Variants in ZNF516 observed in about 807,000 individuals in gnomAD.
ZNF516 encodes the protein zinc finger protein 516.
Under a neutral mutation model 79.7 loss-of-function variants are expected in ZNF516, and 19 were observed. The ratio of observed to expected loss-of-function variants is 0.24; its 90% CI spans 0.17 to 0.35. The LOEUF is 0.35. ZNF516 is among the 10% of genes least tolerant of loss of function. ZNF516 has a pLI of 1.00. For missense variants in ZNF516, 1,678 were observed against 1,679.5 expected, an observed-to-expected ratio of 1.00 and a Z score of 0.02; for synonymous variants, 877 against 739.5, an observed-to-expected ratio of 1.19 and a Z score of -3.02.
intron 1 of ZNF516, among the ~76,000 whole-genome samples, chr18:76,471,023 T>TA (rs1379001583): frequency 6.6e-6 from 1 of 152,364 alleles, no homozygotes; most frequent in East Asian, 1.9e-4. Context: ...AAGATATTTT[T>TA]GTAAGTGGAT....
intron 3 of ZNF516, among the ~76,000 whole-genome samples, chr18:76,416,088 C>G (rs926828847): frequency 1.3e-5 from 2 of 152,228 alleles, no homozygotes; most frequent in African/African-American, 4.8e-5. Flanking sequence ...AAAAGGTCAA[C>G]TTGTAGCACA....
chr18:76,362,250 C>T lies in ZNF516; in HGVS notation c.*248G>A, dbSNP rs763552553. On this transcript the variant is annotated 3_prime_UTR_variant, in exon 7 of 7. Transcript: ENST00000443185. The stretch of plus-strand genomic sequence containing the variant: ...ACTATGGACGATGAGCACGTAAATG[C>T]GTATATAGTATCTACATGTATTTCT... The T allele has an allele frequency of 3.8e-5, 18 of 473,108 alleles. No homozygotes were observed. Among genetic ancestry groups the T allele is most frequent in the Non-Finnish European group, 4.2e-5 (11 of 260,692 alleles). 29.3% of individuals were successfully genotyped at this position (473,108 alleles called of 1,614,324 possible).
intron 3 of ZNF516, among the ~76,000 whole-genome samples, chr18:76,384,538 C>T (rs752165346): frequency 4.2e-5 from 6 of 143,028 alleles, no homozygotes; most frequent in Admixed American, 1.4e-4. Flanking sequence ...ACGAACCCCA[C>T]GCCCCCTCTG....
chr18:76,444,503 G>C (rs557584656), intron 2 of ZNF516, among the ~76,000 whole-genome samples: 1 of 152,302 alleles, frequency 6.6e-6, no homozygotes, highest in East Asian at 1.9e-4. Flanking sequence ...ACCCAAAGCA[G>C]CTCCATATTT....
At chr18:76,392,103 G>A (rs373202125) in intron 3 of ZNF516, among the ~76,000 whole-genome samples, 5 of 152,218 alleles carry the variant, frequency 3.3e-5, no homozygotes, top group East Asian at 1.9e-4. Flanking sequence ...GGAAGCCAGC[G>A]CAGACTCGGC....
chr18:76,411,264 A>G (rs1401888481), intron 3 of ZNF516, among the ~76,000 whole-genome samples: 6 of 152,182 alleles, frequency 3.9e-5, no homozygotes, highest in Admixed American at 1.3e-4. Context: ...GGTGTCGTGT[A>G]CCTTTCGCAA....
At chr18:76,386,168 T>C (rs1046204570) in intron 3 of ZNF516, 1 of 152,204 alleles carries the variant, frequency 6.6e-6, no homozygotes, top group African/African-American at 2.4e-5. Flanking sequence ...CCTCTCTGGG[T>C]TTCTAAGGGA....
intron 1 of ZNF516, chr18:76,491,701 C>T: frequency 6.4e-6 from 1 of 157,134 alleles, no homozygotes; most frequent in Non-Finnish European, 1.4e-5. Context: ...TGAGTCCCCC[C>T]CCGACCCGCC....
chr18:76,370,383 A>G (rs1378695033), intron 6 of ZNF516, 145 bp downstream of exon 6: 16 of 792,294 alleles, frequency 2.0e-5, no homozygotes, highest in Non-Finnish European at 3.0e-5. Context: ...CCGAAGGGTC[A>G]GGTTCCAAGT....
chr18:76,434,496 G>A (rs578141184), intron 3 of ZNF516, among the ~76,000 whole-genome samples: 3 of 152,200 alleles, frequency 2.0e-5, no homozygotes, highest in South Asian at 2.1e-4. Context: ...TCTGGAGTCC[G>A]AGAATATCAC....
intron 3 of ZNF516, among the ~76,000 whole-genome samples, chr18:76,391,930 G>A (rs776010465): frequency 1.4e-5 from 2 of 147,492 alleles, no homozygotes; most frequent in Non-Finnish European, 3.1e-5. Flanking sequence ...ACAGCAGAGA[G>A]GCCACGAGAG....
chr18:76,465,722 G>A (rs1913423454), intron 1 of ZNF516, among the ~76,000 whole-genome samples: 1 of 152,164 alleles, frequency 6.6e-6, no homozygotes, highest in Non-Finnish European at 1.5e-5. Context: ...AAACACGCAA[G>A]AACCCAAACT....
intron 1 of ZNF516, among the ~76,000 whole-genome samples, chr18:76,465,560 G>A (rs951081639): frequency 3.9e-5 from 6 of 152,210 alleles, no homozygotes; most frequent in Non-Finnish European, 8.8e-5. Flanking sequence ...GTATTAACCA[G>A]TAACAGACAA....
intron 2 of ZNF516, among the ~76,000 whole-genome samples, chr18:76,452,963 G>C (rs1470197277): frequency 6.6e-6 from 1 of 152,136 alleles, no homozygotes. Flanking sequence ...AAGAACAGGG[G>C]GTGGCTATTT....
chr18:76,462,750 C>G (rs963369680), intron 2 of ZNF516, among the ~76,000 whole-genome samples: 4 of 152,214 alleles, frequency 2.6e-5, no homozygotes, highest in African/African-American at 7.2e-5. Context: ...CCAAGTTCTA[C>G]GATCAGCTTA....
chr18:76,480,117 G>A (rs1394599264), intron 1 of ZNF516, among the ~76,000 whole-genome samples: 10 of 148,620 alleles, frequency 6.7e-5, no homozygotes, highest in Non-Finnish European at 1.3e-4. Flanking sequence ...ACTGGGATGG[G>A]CTGGGAAGGT....
Position 76,442,302 on chromosome 18 carries a change from C to T in ZNF516, c.753G>A (p.Glu251=), listed in dbSNP as rs766619639. Residue 251 remains glutamate, a synonymous_variant, in exon 3 of 7, where the codon GAG becomes GAA. Coordinates refer to ENST00000443185, the MANE Select transcript of ZNF516 (RefSeq NM_014643.4). ...PELSPGEFPC[E]VCGQAFSQTW... is the part of the protein sequence containing the mutation. ...TCTGGCTGAAGGCCTGGCCACACAC[C>T]TCGCACGGGAACTCCCCGGGGCTCA... 2 of 1,612,486 alleles carry T rather than the reference C, an allele frequency of 1.2e-6. No homozygotes were observed. Among genetic ancestry groups the T allele is most frequent in the Non-Finnish European group, 1.7e-6 (2 of 1,179,596 alleles).
intron 3 of ZNF516, among the ~76,000 whole-genome samples, chr18:76,436,822 C>T (rs2075744641): frequency 6.6e-6 from 1 of 152,036 alleles, no homozygotes; most frequent in South Asian, 2.1e-4. Context: ...AATCCCAGCA[C>T]TCTGGGAGGC....
intron 1 of ZNF516, among the ~76,000 whole-genome samples, chr18:76,476,372 C>CA (rs1368215096): frequency 2.0e-5 from 3 of 152,164 alleles, no homozygotes; most frequent in African/African-American, 7.2e-5. Context: ...GTAAAGCCTT[C>CA]AGTGCCAGTT....
Sources: allele counts gnomAD v4.1 joint callset (sites outside exome capture counted in the v4.1 genomes callset), GRCh38; gene constraint gnomAD v4.1.1; transcripts MANE v1.5; gene names NCBI Gene and HGNC (gene_info 2026-07-23, HGNC 2026-07-21).